The following TEX30 variants were observed in gnomAD, a reference collection of about 807,000 sequenced individuals.
The protein encoded by TEX30 is testis expressed 30.
Under a neutral mutation model 23.8 loss-of-function variants are expected in TEX30, and 14 were observed. The ratio of observed to expected loss-of-function variants is 0.59; its 90% CI spans 0.39 to 0.92. The LOEUF (loss-of-function observed/expected upper bound fraction) is 0.92, where lower values mean the gene tolerates loss of function less well. Among genes scored for constraint, TEX30 ranks in the 40% least tolerant of loss-of-function variants. TEX30 has a pLI of 0.00. For synonymous variants in TEX30, 78 were observed against 90.2 expected (o/e 0.87, Z 0.76); for missense variants, 246 against 270.6 (o/e 0.91, Z 0.64).
Position 102,770,610 on chromosome 13 carries a change from A to C in TEX30, c.-60-524T>G, listed in dbSNP as rs908555446. ...TTGTTTTAACTAATGGAATGTAGGT[A>C]GACATTTCAATGTGTGACTTCTGAG... On this transcript the variant is annotated intron_variant, in intron 1 of 5. Coordinates refer to ENST00000376032, the MANE Select transcript of TEX30 (RefSeq NM_138779.5). 4 of 152,216 alleles carry C rather than the reference A, an allele frequency of 2.6e-5. No homozygotes were observed. In the East Asian group the frequency reaches 5.8e-4, roughly 22 times the overall value. The allele number at this position is 152,216 out of a possible 1,614,324, so 9.4% of individuals were successfully genotyped here. A position where few individuals can be genotyped will look rare whatever the true frequency, so the allele number is the denominator to read the frequency against.
In TEX30 at chr13:102,766,501, G is replaced by A. The variant is rs1323019902; in HGVS notation, c.584C>T (p.Ala195Val). The A allele has an allele frequency of 6.2e-7, 1 of 1,613,718 alleles. No homozygotes were observed. Among genetic ancestry groups the A allele is most frequent in the Non-Finnish European group, 8.5e-7 (1 of 1,179,882 alleles). ...HWIEKANHSM[A>V]VKGRSTNDVF... ...ATCATTTGTCGACCGTCCTTTCACT[G>A]CCATGGAATGATTTGCCTTCTCAAT... The change falls in exon 6 of 6, where the codon GCA (alanine) becomes GTA (valine). Residue 195 changes from alanine (A) to valine (V), a missense_variant. Ala to Val is a moderately conservative substitution (Grantham distance 64, BLOSUM62 0). Transcript: ENST00000376032.
chr13:102,767,235 TTC>T (rs1188665106), intron 5 of TEX30, 36 bp downstream of exon 5: 2 of 1,588,408 alleles, frequency 1.3e-6, no homozygotes, highest in African/African-American at 1.3e-5. Flanking sequence ...CTGCCTTTCA[TTC>T]TCTTTCATTG....
chr13:102,770,045 AACTTAAAGTGCATTTACATC>A lies in TEX30; in HGVS notation c.-39_-20del, dbSNP rs1877208179. On this transcript the variant is annotated 5_prime_UTR_variant, in exon 2 of 6. An upstream start codon of the reference 5' UTR is lost. Coordinates refer to ENST00000376032, the MANE Select transcript of TEX30 (RefSeq NM_138779.5). ...GACTCATTTTCACTGTTGAATAACA[AACTTAAAGTGCATTTACATC>A]TGAGAAGCAAAGGACATCTCCCTGA... The A allele has an allele frequency of 7.2e-7, 1 of 1,393,220 alleles. No individual in the cohort carries two copies. Among genetic ancestry groups the A allele is most frequent in the South Asian group, 1.9e-5 (1 of 52,180 alleles). The allele number at this position is 1,393,220 out of a possible 1,614,324, so 86.3% of individuals were successfully genotyped here.
intron 1 of TEX30, among the ~76,000 whole-genome samples, chr13:102,773,313 T>C (rs1877462109): frequency 6.6e-6 from 1 of 151,872 alleles, no homozygotes; most frequent in Non-Finnish European, 1.5e-5. Context: ...ACGGGATCCG[T>C]TCTCTCCGCA....
rs940707829 is a variant in TEX30, at chr13:102,766,314, A to G, written c.*87T>C. On this transcript the variant is annotated 3_prime_UTR_variant, in exon 6 of 6. Coordinates refer to ENST00000376032, the MANE Select transcript of TEX30 (RefSeq NM_138779.5). The stretch of plus-strand genomic sequence containing the variant: ...AGGGAACATTAAAGAACATCAAATT[A>G]GTCTGAAATATATCTCACAATGCTG... The G allele has an allele frequency of 9.0e-7, 1 of 1,114,542 alleles. No individual in the cohort carries two copies. The highest frequency in any genetic ancestry group is 1.6e-5 in the African/African-American group (1 of 63,360). The allele number at this position is 1,114,542 out of a possible 1,614,324, so 69.0% of individuals were successfully genotyped here. A position where few individuals can be genotyped will look rare whatever the true frequency, so the allele number is the denominator to read the frequency against.
In TEX30 at chr13:102,769,345, A is replaced by T. The variant is rs766709154; in HGVS notation, c.212T>A (p.Ile71Asn). The T allele has an allele frequency of 1.3e-5, 20 of 1,584,308 alleles. No individual in the cohort carries two copies. The highest frequency in any genetic ancestry group is 1.7e-5 in the Non-Finnish European group (20 of 1,170,402). The change falls in exon 3 of 6, where the codon ATT becomes AAT. Residue 71 changes from isoleucine to asparagine, a missense_variant. Ile to Asn is a moderately radical substitution (Grantham distance 149). Transcript: ENST00000376032. ...CLRFTCKGLN[I>N]VHRIKAYKSV... is the part of the protein sequence containing the mutation. ...TTTATACGCCTTAATTCTATGTACA[A>T]TATTAAGGCCTTTACAGGTAAATCT... is the stretch of plus-strand genomic sequence containing the variant.
At position 102,766,556 on chromosome 13, in the gene TEX30, T is replaced by G; in HGVS notation, c.529A>C (p.Lys177Gln). 6.2e-7 allele frequency: 1 copy of G among 1,613,388 alleles called. No individual in the cohort carries two copies. Among genetic ancestry groups the G allele is most frequent in the Non-Finnish European group, 8.5e-7 (1 of 1,179,740 alleles). Reference sequence around the variant, plus strand: ...TGGATTTTATGGGGAGCTTGCATTTTCTGTGCCACTTTCTCCAACAAGTTC... The same window carrying G: ...TGGATTTTATGGGGAGCTTGCATTTGCTGTGCCACTTTCTCCAACAAGTTC... The part of the protein sequence containing the change: ...EKNLLEKVAQ[K>Q]MQAPHKIHWI... The change falls in exon 6 of 6, where the codon AAA (lysine) becomes CAA (glutamine). Residue 177 changes from lysine to glutamine, a missense_variant. Coordinates refer to ENST00000376032, the MANE Select transcript of TEX30 (RefSeq NM_138779.5).
chr13:102,773,371 C>T (rs1227723576), intron 1 of TEX30: 1 of 152,194 alleles, frequency 6.6e-6, no homozygotes, highest in Non-Finnish European at 1.5e-5. Flanking sequence ...GTCGACCCCT[C>T]TCAACTCCGA....
In TEX30 at chr13:102,770,030, C is replaced by A; in HGVS notation, c.-4G>T. On this transcript the variant is annotated 5_prime_UTR_variant, in exon 2 of 6. The change abolishes the stop of an existing upstream ORF in the 5' untranslated region. Coordinates refer to ENST00000376032, the MANE Select transcript of TEX30 (RefSeq NM_138779.5). The stretch of plus-strand genomic sequence containing the variant: ...ATATTACCTCTGTATGACTCATTTT[C>A]ACTGTTGAATAACAAACTTAAAGTG... The A allele has an allele frequency of 7.0e-7, 1 of 1,428,084 alleles. No individual in the cohort carries two copies. Among genetic ancestry groups the A allele is most frequent in the South Asian group, 1.7e-5 (1 of 59,278 alleles). 88.5% of individuals were successfully genotyped at this position (1,428,084 alleles called of 1,614,324 possible).
chr13:102,766,226 G>A lies in TEX30; in HGVS notation c.*175C>T. 1 of 506,024 alleles carries A rather than the reference G, an allele frequency of 2.0e-6. No individual in the cohort carries two copies. Among genetic ancestry groups the A allele is most frequent in the Middle Eastern group, 5.4e-4 (1 of 1,862 alleles). 31.3% of individuals were successfully genotyped at this position (506,024 alleles called of 1,614,324 possible). ...ACATCATCTTTATACAACTGTAACAGTGCTTTCAAAAGACATTTTGTGAAG... is the reference window on the plus strand; with the variant it reads ...ACATCATCTTTATACAACTGTAACAATGCTTTCAAAAGACATTTTGTGAAG... On this transcript the variant is annotated 3_prime_UTR_variant, in exon 6 of 6. Transcript: ENST00000376032.
intron 1 of TEX30, among the ~76,000 whole-genome samples, chr13:102,772,278 GA>G (rs1360866539): frequency 6.6e-6 from 1 of 152,022 alleles, no homozygotes; most frequent in African/African-American, 2.4e-5. Context: ...GAGTAGGTGG[GA>G]CTACAGACGC....
Position 102,769,546 on chromosome 13 carries a change from A to C in TEX30, c.16-5T>G. On this transcript the variant is annotated splice_region_variant and splice_polypyrimidine_tract_variant and intron_variant, in intron 2 of 5. Transcript: ENST00000376032. The stretch of plus-strand genomic sequence containing the variant: ...AAAAGGTATTTTTAATTTAACCTGG[A>C]ATTCAAGAGAATAAAGGGATCAAAA... 1 of 1,538,394 alleles carries C rather than the reference A, an allele frequency of 6.5e-7. No individual in the cohort carries two copies. The highest frequency in any genetic ancestry group is 1.2e-5 in the South Asian group (1 of 84,358).
chr13:102,769,117 A>G (rs1877115437), intron 3 of TEX30, among the ~76,000 whole-genome samples, 194 bp downstream of exon 3: 1 of 152,198 alleles, frequency 6.6e-6, no homozygotes, highest in South Asian at 2.1e-4. Context: ...TGATGTAAGC[A>G]TTCATCTCCA....
chr13:102,766,636 G>A, intron 5 of TEX30, 56 bp from the exon 6 acceptor site: 1 of 1,518,888 alleles, frequency 6.6e-7, no homozygotes, highest in East Asian at 2.3e-5. Flanking sequence ...TTTAATAAAA[G>A]GTCCTCTCTC....
chr13:102,769,554 A>G lies in TEX30; in HGVS notation c.16-13T>C, dbSNP rs757068890. The G allele has an allele frequency of 1.1e-5, 17 of 1,507,616 alleles. No homozygotes were observed. In the East Asian group the frequency reaches 3.1e-4, roughly 28 times the overall value. The allele number at this position is 1,507,616 out of a possible 1,614,324, so 93.4% of individuals were successfully genotyped here. ...TTTTTAATTTAACCTGGAATTCAAG[A>G]GAATAAAGGGATCAAAAATTACTTT... On this transcript the variant is annotated splice_polypyrimidine_tract_variant and intron_variant, in intron 2 of 5. Transcript: ENST00000376032.
intron 2 of TEX30, 39 bp downstream of exon 2, chr13:102,769,973 C>T: frequency 7.1e-7 from 1 of 1,411,270 alleles, no homozygotes; most frequent in Non-Finnish European, 9.3e-7. Context: ...AAACAAAAAA[C>T]CAGGAACCCT....
In TEX30 at chr13:102,771,710, CCT is replaced by C. The variant is rs375654828; in HGVS notation, c.-60-1626_-60-1625del. Among the ~76,000 whole-genome samples, 449 of 152,280 alleles carry C rather than the reference CCT, an allele frequency of 2.9e-3. 2 individuals are homozygous for C. Among genetic ancestry groups the C allele is most frequent in the Middle Eastern group, 0.014 (4 of 292 alleles). ...TGCCTGGGTTTCTCAGTTCAAAGATCCTCTGTTTTACTTTCTCAAGAGAATAA... is the reference window on the plus strand; with the variant it reads ...TGCCTGGGTTTCTCAGTTCAAAGATCCTGTTTTACTTTCTCAAGAGAATAA... On this transcript the variant is annotated intron_variant, in intron 1 of 5. Coordinates refer to ENST00000376032, the MANE Select transcript of TEX30 (RefSeq NM_138779.5).
chr13:102,769,580 C>A (rs558293034), intron 2 of TEX30, 39 bp from the exon 3 acceptor site: 7 of 1,325,604 alleles, frequency 5.3e-6, no homozygotes, highest in South Asian at 1.3e-5. Flanking sequence ...AAATTACTTT[C>A]TTGCCTATTA....
At position 102,766,136 on chromosome 13, in the gene TEX30, A is replaced by AT. The variant is rs1009117564; in HGVS notation, c.*264dup. 4.0e-5 allele frequency: 9 copies of AT among 225,680 alleles called. No individual in the cohort carries two copies. Among genetic ancestry groups the AT allele is most frequent in the African/African-American group, 1.8e-4 (8 of 44,304 alleles). The allele number at this position is 225,680 out of a possible 1,614,324, so 14.0% of individuals were successfully genotyped here. Reference sequence around the variant, plus strand: ...TTTTGTAACAAAATTCAGATGTTTAATTTTTTTCAAAACTTAACTATACTA... The same window carrying AT: ...TTTTGTAACAAAATTCAGATGTTTAATTTTTTTTCAAAACTTAACTATACTA... On this transcript the variant is annotated 3_prime_UTR_variant, in exon 6 of 6. Transcript: ENST00000376032.
Sources: allele counts gnomAD v4.1 joint callset (sites outside exome capture counted in the v4.1 genomes callset), GRCh38; gene constraint gnomAD v4.1.1; transcripts MANE v1.5; gene names NCBI Gene and HGNC (gene_info 2026-07-23, HGNC 2026-07-21).